The following RIN2 variants were observed in gnomAD, a reference collection of about 807,000 sequenced individuals.
RIN2 encodes RAB5 interacting protein 2.
In RIN2, 36 loss-of-function variants were observed where a neutral mutation model predicts 78.0. That is an observed-to-expected ratio of 0.46 (90% confidence interval 0.35 to 0.61). The LOEUF (loss-of-function observed/expected upper bound fraction) is 0.61, where lower values mean the gene tolerates loss of function less well. RIN2 is among the 20% of genes least tolerant of loss of function. The probability of loss-of-function intolerance (pLI) is 0.00; values close to 1 mark genes in which losing one functional copy is unlikely to be tolerated. For missense variants in RIN2, 1,087 were observed against 1,159.7 expected (o/e 0.94, Z 0.91); for synonymous variants, 466 against 466.8 (o/e 1.00, Z 0.02).
At chr20:19,758,745 C>T (rs980497456) in intron 1 of RIN2, among the ~76,000 whole-genome samples, 1 of 151,494 alleles carries the variant, frequency 6.6e-6, no homozygotes, top group African/African-American at 2.5e-5. Flanking sequence ...GTTCTACCTG[C>T]AGGGCTGCCT....
intron 1 of RIN2, among the ~76,000 whole-genome samples, chr20:19,779,328 T>A (rs1299740405): frequency 6.6e-6 from 1 of 152,126 alleles, no homozygotes; most frequent in Admixed American, 6.5e-5. Context: ...TTATTAATAG[T>A]GTCATTAATA....
intron 2 of RIN2, among the ~76,000 whole-genome samples, chr20:19,829,717 A>C (rs968280064): frequency 2.6e-5 from 4 of 152,174 alleles, no homozygotes; most frequent in African/African-American, 9.6e-5. Context: ...GGGCTTCCCA[A>C]GTGACTCCCA....
At chr20:19,962,055 C>T (rs748357666) in intron 6 of RIN2, among the ~76,000 whole-genome samples, 58 of 151,710 alleles carry the variant, frequency 3.8e-4, no homozygotes, top group Non-Finnish European at 7.2e-4. Context: ...AATCCTAGCA[C>T]TTTGGGAGGC....
At chr20:19,915,312 G>A (rs1430178917) in intron 3 of RIN2, among the ~76,000 whole-genome samples, 4 of 152,100 alleles carry the variant, frequency 2.6e-5, no homozygotes, top group Non-Finnish European at 4.4e-5. Context: ...TTCCACATAA[G>A]AGCGAGGCAG....
intron 2 of RIN2, chr20:19,886,838 CTGGGGTGACATCTG>C: frequency 9.6e-7 from 1 of 1,042,406 alleles, no homozygotes; most frequent in Non-Finnish European, 1.4e-6. Context: ...GATGAAGCTG[CTGGGGTGACATCTG>C]TGGGGAGGCA....
chr20:19,844,671 T>TCTTCCTCTTCC (rs1568807672), intron 2 of RIN2, among the ~76,000 whole-genome samples: 3 of 57,934 alleles, frequency 5.2e-5, no homozygotes, highest in African/African-American at 2.3e-4. Flanking sequence ...TTCTTCTTCC[T>TCTTCCTCTTCC]TCTTCTTCTT....
chr20:19,889,620 G>T lies in RIN2; in HGVS notation c.19G>T (p.Gly7Cys). Residue 7 changes from glycine (G) to cysteine (C), a missense_variant, in exon 3 of 13, where the codon GGC becomes TGC. Gly to Cys is a radical substitution (Grantham distance 159). Transcript: ENST00000255006. Reference sequence around the variant, plus strand: ...GGGGGAAATGACAGCTTGGACCATGGGCGCCCGCGGTCTGGACAAGCGAGG... The same window carrying T: ...GGGGGAAATGACAGCTTGGACCATGTGCGCCCGCGGTCTGGACAAGCGAGG... MTAWTM[G>C]ARGLDKRGSF... The T allele has an allele frequency of 6.5e-7, 1 of 1,550,300 alleles. No homozygotes were observed. The highest frequency in any genetic ancestry group is 8.7e-7 in the Non-Finnish European group (1 of 1,146,322).
chr20:19,947,409 C>T (rs1005467490), intron 4 of RIN2, among the ~76,000 whole-genome samples: 2 of 152,092 alleles, frequency 1.3e-5, no homozygotes, highest in African/African-American at 4.8e-5. Flanking sequence ...ACCATTAGAG[C>T]TTTATTTTGT....
intron 2 of RIN2, among the ~76,000 whole-genome samples, chr20:19,844,686 CTCTTCCTCTTCCTCTTCTTCTTCT>C (rs1235560588): frequency 6.7e-5 from 2 of 30,072 alleles, no homozygotes; most frequent in Non-Finnish European, 1.3e-4. Context: ...CTTCTTCTTC[CTCTTCCTCTTCCTCTTCTTCTTCT>C]TCTTCTTCTT....
chr20:19,848,611 A>G (rs1461270624), intron 2 of RIN2, among the ~76,000 whole-genome samples: 1 of 151,808 alleles, frequency 6.6e-6, no homozygotes, highest in Non-Finnish European at 1.5e-5. Context: ...GGAGATGTAC[A>G]TCTGCTCTTA....
chr20:19,855,078 T>G (rs2037121140), intron 2 of RIN2, among the ~76,000 whole-genome samples: 1 of 152,084 alleles, frequency 6.6e-6, no homozygotes, highest in Non-Finnish European at 1.5e-5. Flanking sequence ...TTATTGAGAG[T>G]TTTTGGCATG....
intron 12 of RIN2, among the ~76,000 whole-genome samples, chr20:19,999,598 A>G (rs1361505942): frequency 6.6e-6 from 1 of 152,194 alleles, no homozygotes; most frequent in Non-Finnish European, 1.5e-5. Context: ...ATTTCATCTG[A>G]TAACTCCACT....
At chr20:19,801,219 A>G (rs919768573) in intron 2 of RIN2, among the ~76,000 whole-genome samples, 1 of 152,214 alleles carries the variant, frequency 6.6e-6, no homozygotes, top group Non-Finnish European at 1.5e-5. Context: ...ATCCTGTGGT[A>G]TCTGCTCATA....
chr20:19,835,110 AAG>A (rs985374043), intron 2 of RIN2, among the ~76,000 whole-genome samples: 14 of 116,814 alleles, frequency 1.2e-4, no homozygotes, highest in African/African-American at 4.1e-4. Context: ...GAAAGAAAGA[AAG>A]AGGGAGGAAG....
intron 3 of RIN2, among the ~76,000 whole-genome samples, chr20:19,933,433 C>A (rs187418134): frequency 1.3e-5 from 2 of 152,168 alleles, no homozygotes; most frequent in Non-Finnish European, 2.9e-5. Context: ...CTGACCAACC[C>A]GCCCTGATCT....
intron 3 of RIN2, among the ~76,000 whole-genome samples, chr20:19,925,434 T>A (rs1419087702): frequency 6.6e-6 from 1 of 152,208 alleles, no homozygotes; most frequent in Non-Finnish European, 1.5e-5. Flanking sequence ...ATGGCCATAT[T>A]GAAAACTTGG....
intron 1 of RIN2, among the ~76,000 whole-genome samples, chr20:19,762,611 T>C (rs1022627403): frequency 2.0e-5 from 3 of 151,200 alleles, no homozygotes; most frequent in African/African-American, 7.3e-5. Flanking sequence ...GGATGGGGAG[T>C]GACAAGGGGA....
At chr20:19,789,198 C>T (rs927161947) in intron 1 of RIN2, among the ~76,000 whole-genome samples, 9 of 152,014 alleles carry the variant, frequency 5.9e-5, no homozygotes, top group Non-Finnish European at 7.4e-5. Context: ...CCACAGATGG[C>T]GCTAGTCAGT....
chr20:19,783,293 T>C (rs1306111607), intron 1 of RIN2, among the ~76,000 whole-genome samples: 1 of 152,270 alleles, frequency 6.6e-6, no homozygotes, highest in Non-Finnish European at 1.5e-5. Context: ...GAGAAGTTAC[T>C]GTGTGCACAG....
Sources: allele counts gnomAD v4.1 joint callset (sites outside exome capture counted in the v4.1 genomes callset), GRCh38; gene constraint gnomAD v4.1.1; transcripts MANE v1.5; gene names NCBI Gene and HGNC (gene_info 2026-07-23, HGNC 2026-07-21).